Variants in KCNQ1 observed in about 807,000 individuals in gnomAD.
The protein encoded by KCNQ1 is potassium voltage-gated channel subfamily KQT member 1.
In KCNQ1, 49 loss-of-function variants were observed where a neutral mutation model predicts 72.4. The observed-to-expected ratio is 0.68, with a 90% CI of 0.54 to 0.86. The LOEUF (loss-of-function observed/expected upper bound fraction) is 0.86. Ranked by LOEUF, KCNQ1 falls within the 40% of genes least tolerant of loss-of-function variation. The pLI is 0.00. For missense variants in KCNQ1, 790 were observed against 945.1 expected (o/e 0.84, Z 2.15); for synonymous variants, 450 against 412.6 (o/e 1.09, Z -1.10).
In KCNQ1 at chr11:2,710,604, G is replaced by A. The variant is rs1443152480; in HGVS notation, c.1514+48523G>A. Among the ~76,000 whole-genome samples the A allele has an allele frequency of 6.6e-6, 1 of 152,128 alleles. No homozygotes were observed. Among genetic ancestry groups the A allele is most frequent in the Non-Finnish European group, 1.5e-5 (1 of 68,024 alleles). ...TATATTTTCTTCCAAGAATTTTATA[G>A]TTTTGGCTCTTACACTTAGGTCTTT... On this transcript the variant is annotated intron_variant, in intron 11 of 15. Coordinates refer to ENST00000155840, the MANE Select transcript of KCNQ1 (RefSeq NM_000218.3). The surrounding 1 kb of genome is among the most constrained non-coding windows in gnomAD (Gnocchi z 4.1).
chr11:2,700,909 A>C (rs532935078), intron 11 of KCNQ1, among the ~76,000 whole-genome samples: 3 of 152,356 alleles, frequency 2.0e-5, no homozygotes, highest in African/African-American at 7.2e-5. Context: ...AGCCTGGGTC[A>C]CAAAAGCCCC....
At position 2,688,300 on chromosome 11, in the gene KCNQ1, T is replaced by C. The variant is rs1223237771; in HGVS notation, c.1514+26219T>C. 7.5e-6 allele frequency: 3 copies of C among 398,624 alleles called. No individual in the cohort carries two copies. In the Admixed American group the frequency reaches 1.3e-4, roughly 18 times the overall value. 24.7% of individuals were successfully genotyped at this position (398,624 alleles called of 1,614,324 possible). On this transcript the variant is annotated intron_variant, in intron 11 of 15. Coordinates refer to ENST00000155840, the MANE Select transcript of KCNQ1 (RefSeq NM_000218.3). The stretch of plus-strand genomic sequence containing the variant: ...GTTTAGACAAGGAAAATGAAGACTC[T>C]GGAAAATCTAAGCACGTCACACACA...
intron 1 of KCNQ1, among the ~76,000 whole-genome samples, chr11:2,496,253 G>A (rs1329571730): frequency 6.6e-6 from 1 of 151,770 alleles, no homozygotes; most frequent in Non-Finnish European, 1.5e-5. Flanking sequence ...TGGCTAACAC[G>A]ATGAAACCCC....
intron 11 of KCNQ1, chr11:2,699,960 G>A (rs1850766287): frequency 2.5e-6 from 1 of 398,236 alleles, no homozygotes; most frequent in Non-Finnish European, 4.4e-6. Context: ...GGAGCTCCCT[G>A]GAGGTCCGTG....
At chr11:2,798,912 C>T (rs1457294876) in intron 15 of KCNQ1, among the ~76,000 whole-genome samples, 1 of 152,024 alleles carries the variant, frequency 6.6e-6, no homozygotes, top group African/African-American at 2.4e-5. Flanking sequence ...GGAGCAGGAA[C>T]AGGACGGGGG....
Position 2,491,824 on chromosome 11 carries a change from G to C in KCNQ1, c.387-36104G>C, listed in dbSNP as rs1356317312. ...GGATAAAGAAAGGATCCTAAAAGCA[G>C]CAAGAAAAAAAAGACTTATAATTGA... On this transcript the variant is annotated intron_variant, in intron 1 of 15. Transcript: ENST00000155840. This position sits in a 1 kb window ranked among gnomAD's most constrained non-coding sequence, Gnocchi z 4.1. 6.6e-6 allele frequency among the ~76,000 whole-genome samples: 1 copy of C among 151,844 alleles called. No homozygotes were observed. Among genetic ancestry groups the C allele is most frequent in the Non-Finnish European group, 1.5e-5 (1 of 67,954 alleles).
chr11:2,490,401 AT>A (rs1455864584), intron 1 of KCNQ1, among the ~76,000 whole-genome samples: 1 of 152,330 alleles, frequency 6.6e-6, no homozygotes, highest in African/African-American at 2.4e-5. Context: ...CCATTTGCTA[AT>A]TGTAGAGCCC....
Position 2,603,892 on chromosome 11 carries a change from T to C in KCNQ1, c.1393+15038T>C, listed in dbSNP as rs1848841999. Among the ~76,000 whole-genome samples the C allele has an allele frequency of 6.6e-6, 1 of 152,056 alleles. No individual in the cohort carries two copies. The highest frequency in any genetic ancestry group is 1.5e-5 in the Non-Finnish European group (1 of 68,010). On this transcript the variant is annotated intron_variant, in intron 10 of 15. Coordinates refer to ENST00000155840, the MANE Select transcript of KCNQ1 (RefSeq NM_000218.3). The surrounding 1 kb of genome is among the most constrained non-coding windows in gnomAD (Gnocchi z 4.1). Reference sequence around the variant, plus strand: ...TTTTAGTAGTGACGGGGTTTCGCCATGTTAGCCAGGCTGGTCTCGAACTCC... The same window carrying C: ...TTTTAGTAGTGACGGGGTTTCGCCACGTTAGCCAGGCTGGTCTCGAACTCC...
intron 11 of KCNQ1, among the ~76,000 whole-genome samples, chr11:2,729,764 C>G (rs1004226440): frequency 2.0e-5 from 3 of 152,138 alleles, no homozygotes; most frequent in Non-Finnish European, 4.4e-5. Context: ...ATTTGGGTAC[C>G]TGCGGGAGGT....
intron 15 of KCNQ1, among the ~76,000 whole-genome samples, chr11:2,837,418 C>T (rs1482453100): frequency 2.0e-5 from 3 of 152,202 alleles, no homozygotes; most frequent in South Asian, 2.1e-4. Context: ...TTCCCAGACA[C>T]GCCCGGGCCT....
At chr11:2,633,016 T>G (rs974674076) in intron 10 of KCNQ1, 1 of 398,412 alleles carries the variant, frequency 2.5e-6, no homozygotes, top group African/African-American at 2.1e-5. Context: ...AATGACTCAC[T>G]AATTTATAGT....
At chr11:2,633,958 C>G in intron 10 of KCNQ1, 1 of 398,472 alleles carries the variant, frequency 2.5e-6, no homozygotes, top group South Asian at 1.3e-4. Flanking sequence ...TATAAATGAA[C>G]CTATACAGTT....
At chr11:2,560,168 T>G (rs1311731872) in intron 2 of KCNQ1, among the ~76,000 whole-genome samples, 1 of 76,334 alleles carries the variant, frequency 1.3e-5, no homozygotes, top group Non-Finnish European at 2.6e-5. Flanking sequence ...ATGAGGGGGG[T>G]GATGTCCATC....
intron 11 of KCNQ1, among the ~76,000 whole-genome samples, chr11:2,708,807 A>C (rs1024640953): frequency 6.6e-6 from 1 of 152,102 alleles, no homozygotes; most frequent in Non-Finnish European, 1.5e-5. Flanking sequence ...AGCAGCAAAC[A>C]TTTTAAAGAT....
At chr11:2,587,494 G>T (rs948378465) in intron 8 of KCNQ1, 76 bp from the exon 9 acceptor site, 1 of 1,596,366 alleles carries the variant, frequency 6.3e-7, no homozygotes. Context: ...GAACAGGGAG[G>T]GGGAGCTGTA....
rs72844290 is a variant in KCNQ1 at position 2,815,795 on chromosome 11, C to G, written c.1795-31972C>G. ...CTGGGTGGAGCTGCCCCCAGCCCTT[C>G]CTGCTGGCCTCCCCAGAGCTCCAGG... On this transcript the variant is annotated intron_variant, in intron 15 of 15. Transcript: ENST00000155840. This position sits in a 1 kb window ranked among gnomAD's most constrained non-coding sequence, Gnocchi z 5.4. 0.16 allele frequency among the ~76,000 whole-genome samples: 23,731 copies of G among 152,198 alleles called. 2,071 individuals carry two copies. Among genetic ancestry groups the G allele is most frequent in the South Asian group, 0.24 (1,158 of 4,830 alleles).
At chr11:2,697,633 A>G in intron 11 of KCNQ1, 2 of 398,568 alleles carry the variant, frequency 5.0e-6, no homozygotes, top group Non-Finnish European at 8.8e-6. Context: ...AGGGAACCAT[A>G]TGGTTTTTCT....
chr11:2,838,719 G>A (rs1848137802), intron 15 of KCNQ1, among the ~76,000 whole-genome samples: 1 of 152,152 alleles, frequency 6.6e-6, no homozygotes, highest in Admixed American at 6.5e-5. Context: ...GGCAGCCCTG[G>A]CTTCCCCTGC....
rs1848699420 is a variant in KCNQ1 at position 2,593,726 on chromosome 11, G to A, written c.1393+4872G>A. Among the ~76,000 whole-genome samples, 1 of 152,140 alleles carries A rather than the reference G, an allele frequency of 6.6e-6. No individual in the cohort carries two copies. Among genetic ancestry groups the A allele is most frequent in the Admixed American group, 6.5e-5 (1 of 15,274 alleles). ...TCTCACTTCTGCACTTGTGAGCCTG[G>A]TTCTCACAGGGTCAGGCTGTAGCCT... On this transcript the variant is annotated intron_variant, in intron 10 of 15. Coordinates refer to ENST00000155840, the MANE Select transcript of KCNQ1 (RefSeq NM_000218.3). This position sits in a 1 kb window ranked among gnomAD's most constrained non-coding sequence, Gnocchi z 6.9.
Sources: gnomAD v4.1 joint callset for allele counts (sites outside exome capture counted in the v4.1 genomes callset) on GRCh38, gnomAD v4.1.1 for gene constraint, Gnocchi (gnomAD v3.1) non-coding constraint, MANE v1.5 for transcripts, NCBI Gene and HGNC (gene_info 2026-07-23, HGNC 2026-07-21) for gene names.